The following AUTS2 variants were observed in gnomAD, a reference collection of about 807,000 sequenced individuals.
AUTS2 encodes the protein autism susceptibility gene 2 protein.
A neutral mutation model predicts 112.4 loss-of-function variants in AUTS2; 17 were observed. The observed-to-expected ratio is 0.15, with a 90% CI of 0.10 to 0.23. The LOEUF is 0.23. Among genes scored for constraint, AUTS2 ranks in the 10% least tolerant of loss-of-function variants. The pLI is 1.00. For synonymous variants in AUTS2, 751 were observed against 702.7 expected, an observed-to-expected ratio of 1.07 and a Z score of -1.09; for missense variants, 1,510 against 1,701.6, an observed-to-expected ratio of 0.89 and a Z score of 1.98.
chr7:70,685,811 G>A lies in AUTS2; in HGVS notation c.691-12758G>A, dbSNP rs145030701. Among the ~76,000 whole-genome samples the A allele has an allele frequency of 6.0e-3, 906 of 152,244 alleles. 8 individuals carry two copies. The highest frequency in any genetic ancestry group is 0.019 in the African/African-American group (771 of 41,542). Reference sequence around the variant, plus strand: ...GCGATCAGTTCACCAGCAGTTCCCCGTTTCCCACAGTGGTTGTTTCTAACA... The same window carrying A: ...GCGATCAGTTCACCAGCAGTTCCCCATTTCCCACAGTGGTTGTTTCTAACA... On this transcript the variant is annotated intron_variant, in intron 5 of 18. Coordinates refer to ENST00000342771, the MANE Select transcript of AUTS2 (RefSeq NM_015570.4).
chr7:69,864,438 A>G (rs997879504), intron 1 of AUTS2, among the ~76,000 whole-genome samples: 3 of 152,166 alleles, frequency 2.0e-5, no homozygotes, highest in African/African-American at 7.2e-5. Flanking sequence ...AATTTTGTTC[A>G]ATTAGAGATT....
rs73450512 is a variant in AUTS2 at position 70,509,594 on chromosome 7, G to A, written c.690+73813G>A. On this transcript the variant is annotated intron_variant, in intron 5 of 18. Transcript: ENST00000342771. ...ATGAGCTGCTGCCTGTCTGGCCCAC[G>A]GTATAAGCCTACTGCATAGCTCATT... Among the ~76,000 whole-genome samples the A allele has an allele frequency of 8.6e-3, 1,314 of 152,210 alleles. 20 individuals carry two copies. Among genetic ancestry groups the A allele is most frequent in the African/African-American group, 0.03 (1,244 of 41,536 alleles).
chr7:69,633,886 A>G lies in AUTS2; in HGVS notation c.309+33924A>G, dbSNP rs570662072. ...TCTAGTTTGCAAATATTGTCTTCCAATTTGTAGGCTGCCATTTCATTGGTT... is the reference window on the plus strand; with the variant it reads ...TCTAGTTTGCAAATATTGTCTTCCAGTTTGTAGGCTGCCATTTCATTGGTT... On this transcript the variant is annotated intron_variant, in intron 1 of 18. Transcript: ENST00000342771. Among the ~76,000 whole-genome samples the G allele has an allele frequency of 5.9e-5, 9 of 152,058 alleles. No homozygotes were observed. The South Asian group carries it at 8.3e-4, about 14-fold the overall frequency.
intron 4 of AUTS2, among the ~76,000 whole-genome samples, chr7:70,402,431 A>C (rs1794364929): frequency 6.6e-6 from 1 of 152,202 alleles, no homozygotes; most frequent in Admixed American, 6.5e-5. Context: ...TGCTGTAAAA[A>C]GGGCTTACAC....
rs111377769 is a variant in AUTS2 at position 70,133,580 on chromosome 7, C to T, written c.625-956C>T. On this transcript the variant is annotated intron_variant, in intron 3 of 18. Transcript: ENST00000342771. Reference sequence around the variant, plus strand: ...TTTGCTTCTGGGAAAGTATAATACCCAACCCAAGCTCATCAGGGAAGAAGC... The same window carrying T: ...TTTGCTTCTGGGAAAGTATAATACCTAACCCAAGCTCATCAGGGAAGAAGC... 1.6e-3 allele frequency among the ~76,000 whole-genome samples: 247 copies of T among 152,250 alleles called. 6 individuals are homozygous for T. Among genetic ancestry groups the T allele is most frequent in the African/African-American group, 5.6e-3 (233 of 41,544 alleles).
At chr7:70,608,805 A>G (rs1209149225) in intron 5 of AUTS2, among the ~76,000 whole-genome samples, 1 of 152,228 alleles carries the variant, frequency 6.6e-6, no homozygotes, top group Non-Finnish European at 1.5e-5. Context: ...CCTTGTTAAT[A>G]GAACCACTGC....
At chr7:70,155,426 A>G (rs1188542402) in intron 4 of AUTS2, among the ~76,000 whole-genome samples, 2 of 151,014 alleles carry the variant, frequency 1.3e-5, no homozygotes, top group Admixed American at 6.6e-5. Context: ...TGGCCTCAAC[A>G]TACAGGTGGT....
intron 2 of AUTS2, among the ~76,000 whole-genome samples, chr7:69,934,024 T>G (rs949676756): frequency 6.6e-6 from 1 of 152,224 alleles, no homozygotes; most frequent in African/African-American, 2.4e-5. Context: ...AAGGTCTAGT[T>G]TAGAGATTTA....
chr7:69,832,085 ACCTC>A (rs901012694), intron 1 of AUTS2, among the ~76,000 whole-genome samples: 1 of 151,622 alleles, frequency 6.6e-6, no homozygotes, highest in Non-Finnish European at 1.5e-5. Flanking sequence ...TCAGAGAAGG[ACCTC>A]CCCAGGGGCT....
At chr7:69,947,063 T>G (rs867264768) in intron 2 of AUTS2, among the ~76,000 whole-genome samples, 9 of 152,188 alleles carry the variant, frequency 5.9e-5, no homozygotes, top group Non-Finnish European at 1.3e-4. Flanking sequence ...TTACCAGCAG[T>G]GCTTGTTGTC....
At chr7:69,867,697 A>C (rs565199597) in intron 1 of AUTS2, among the ~76,000 whole-genome samples, 30 of 152,150 alleles carry the variant, frequency 2.0e-4, no homozygotes, top group Non-Finnish European at 3.5e-4. Flanking sequence ...CATCTAACTT[A>C]AGAGTGCGTG....
At chr7:69,807,940 CTTTTTTT>C (rs34491458) in intron 1 of AUTS2, among the ~76,000 whole-genome samples, 1 of 120,444 alleles carries the variant, frequency 8.3e-6, no homozygotes, top group Non-Finnish European at 1.7e-5. Flanking sequence ...TAGGCCCAAG[CTTTTTTT>C]TTTTTTTTTT....
At chr7:70,393,835 C>G (rs1378528733) in intron 4 of AUTS2, among the ~76,000 whole-genome samples, 1 of 152,144 alleles carries the variant, frequency 6.6e-6, no homozygotes, top group African/African-American at 2.4e-5. Context: ...TTCACTTTCC[C>G]CCAGTTTCCT....
intron 1 of AUTS2, among the ~76,000 whole-genome samples, chr7:69,777,750 C>G (rs1788957146): frequency 6.6e-6 from 1 of 151,876 alleles, no homozygotes; most frequent in African/African-American, 2.4e-5. Flanking sequence ...CTTCAGAGTC[C>G]CTGCTTCCAA....
chr7:69,620,974 A>G (rs1419118641), intron 1 of AUTS2, among the ~76,000 whole-genome samples: 4 of 152,320 alleles, frequency 2.6e-5, no homozygotes, highest in Non-Finnish European at 2.9e-5. Flanking sequence ...GAGAGATACA[A>G]GATCTTTTTG....
intron 16 of AUTS2, chr7:70,785,519 G>A (rs1449838154): frequency 2.1e-6 from 1 of 467,030 alleles, no homozygotes; most frequent in African/African-American, 2.0e-5. Flanking sequence ...ATCTGCAAGT[G>A]TACAGGCAGA....
chr7:70,287,745 A>G (rs1021101573), intron 4 of AUTS2, among the ~76,000 whole-genome samples: 1 of 152,068 alleles, frequency 6.6e-6, no homozygotes, highest in African/African-American at 2.4e-5. Context: ...TGGACAAGCC[A>G]ATCAAATGAG....
intron 1 of AUTS2, among the ~76,000 whole-genome samples, chr7:69,669,977 G>T (rs909633749): frequency 1.3e-5 from 2 of 152,130 alleles, no homozygotes; most frequent in African/African-American, 4.8e-5. Context: ...GATGTTGTCT[G>T]TCCATAGACT....
chr7:69,659,788 G>A (rs1349716039), intron 1 of AUTS2, among the ~76,000 whole-genome samples: 1 of 152,008 alleles, frequency 6.6e-6, no homozygotes, highest in Admixed American at 6.5e-5. Context: ...CATAAATCCA[G>A]CCTAAAGCCA....
Sources: allele counts gnomAD v4.1 joint callset (sites outside exome capture counted in the v4.1 genomes callset), GRCh38; gene constraint gnomAD v4.1.1; transcripts MANE v1.5; gene names NCBI Gene and HGNC (gene_info 2026-07-23, HGNC 2026-07-21).